Variants in TNIK observed in about 807,000 individuals in gnomAD.
TNIK encodes TRAF2 and NCK interacting kinase, also known as TRAF2 and NCK-interacting protein kinase.
TNIK carries 49 observed loss-of-function variants against 191.3 expected under a neutral mutation model. The ratio of observed to expected loss-of-function variants is 0.26; its 90% CI spans 0.20 to 0.32. The LOEUF (loss-of-function observed/expected upper bound fraction) is 0.32. TNIK is among the 10% of genes least tolerant of loss of function. The probability of loss-of-function intolerance (pLI) is 1.00; values close to 1 mark genes in which losing one functional copy is unlikely to be tolerated. For synonymous variants in TNIK, 594 were observed against 600.9 expected (o/e 0.99, Z 0.17); for missense variants, 1,155 against 1,702.3 (o/e 0.68, Z 5.66).
intron 22 of TNIK, among the ~76,000 whole-genome samples, chr3:171,095,676 A>G (rs1722616126): frequency 6.6e-6 from 1 of 152,224 alleles, no homozygotes; most frequent in South Asian, 2.1e-4. Context: ...AGAGAAAGAC[A>G]TATTTCAAGG....
chr3:171,069,791 T>C (rs1718950593), intron 29 of TNIK, among the ~76,000 whole-genome samples: 1 of 152,222 alleles, frequency 6.6e-6, no homozygotes, highest in South Asian at 2.1e-4. Context: ...TTTGTGAAAC[T>C]ACAATTGCCT....
At chr3:171,221,596 T>G (rs1742351471) in intron 3 of TNIK, among the ~76,000 whole-genome samples, 1 of 152,174 alleles carries the variant, frequency 6.6e-6, no homozygotes, top group Admixed American at 6.6e-5. Context: ...TTCCAGAAGA[T>G]AGTGCCCATG....
At chr3:171,429,096 A>T (rs1725014803) in intron 1 of TNIK, among the ~76,000 whole-genome samples, 1 of 152,038 alleles carries the variant, frequency 6.6e-6, no homozygotes, top group Non-Finnish European at 1.5e-5. Context: ...ATCCACAACC[A>T]CGAGCTACAC....
chr3:171,282,515 T>G (rs1457178620), intron 2 of TNIK, among the ~76,000 whole-genome samples: 1 of 152,012 alleles, frequency 6.6e-6, no homozygotes, highest in African/African-American at 2.4e-5. Flanking sequence ...CTAATTTTTT[T>G]GTATTTTTAG....
At chr3:171,415,527 A>G (rs1016636109) in intron 1 of TNIK, among the ~76,000 whole-genome samples, 1 of 152,196 alleles carries the variant, frequency 6.6e-6, no homozygotes, top group Non-Finnish European at 1.5e-5. Flanking sequence ...TGAAGCCAAA[A>G]GAACAAAAAC....
intron 26 of TNIK, among the ~76,000 whole-genome samples, chr3:171,083,600 C>A (rs1720954998): frequency 6.6e-6 from 1 of 152,156 alleles, no homozygotes; most frequent in Non-Finnish European, 1.5e-5. Flanking sequence ...ATGTTTTAAA[C>A]TAAAAGGGAA....
chr3:171,335,027 C>CAAAAAAAA, intron 2 of TNIK, among the ~76,000 whole-genome samples: 1 of 114,620 alleles, frequency 8.7e-6, no homozygotes, highest in East Asian at 2.6e-4. Flanking sequence ...CCCCAACTGC[C>CAAAAAAAA]AAAAAAAAAA....
intron 12 of TNIK, 103 bp downstream of exon 12, chr3:171,157,355 TAA>T: frequency 7.2e-7 from 1 of 1,397,270 alleles, no homozygotes; most frequent in Non-Finnish European, 9.7e-7. Flanking sequence ...TTTGTGCCTC[TAA>T]GCTCTGTGTG....
At chr3:171,229,677 C>T (rs1241476544) in intron 2 of TNIK, among the ~76,000 whole-genome samples, 2 of 152,138 alleles carry the variant, frequency 1.3e-5, no homozygotes, top group African/African-American at 4.8e-5. Context: ...TCTGCCTGTC[C>T]TCTTTCTTCT....
At chr3:171,442,804 T>C (rs770672045) in intron 1 of TNIK, among the ~76,000 whole-genome samples, 2 of 152,194 alleles carry the variant, frequency 1.3e-5, no homozygotes, top group East Asian at 1.9e-4. Flanking sequence ...TGGTTTACCA[T>C]GATTTTAAAG....
At chr3:171,254,489 A>G (rs1385587173) in intron 2 of TNIK, among the ~76,000 whole-genome samples, 1 of 152,218 alleles carries the variant, frequency 6.6e-6, no homozygotes, top group Non-Finnish European at 1.5e-5. Context: ...CCTGCCTGCA[A>G]CTGTAAATTC....
chr3:171,094,887 T>C (rs1231330902), intron 22 of TNIK, among the ~76,000 whole-genome samples: 6 of 152,182 alleles, frequency 3.9e-5, no homozygotes, highest in African/African-American at 1.4e-4. Flanking sequence ...TTGCTTGTGA[T>C]GGCAGAGTCC....
chr3:171,259,243 G>C (rs1747287703), intron 2 of TNIK, among the ~76,000 whole-genome samples: 2 of 152,134 alleles, frequency 1.3e-5, no homozygotes. Flanking sequence ...AAAGTTGGAA[G>C]GACAGACCTA....
At chr3:171,285,089 A>G (rs1750869887) in intron 2 of TNIK, among the ~76,000 whole-genome samples, 1 of 152,234 alleles carries the variant, frequency 6.6e-6, no homozygotes, top group African/African-American at 2.4e-5. Context: ...TGCAAGACAT[A>G]GGTGGACCCA....
chr3:171,093,457 A>G (rs1481675594), intron 23 of TNIK, among the ~76,000 whole-genome samples: 3 of 152,244 alleles, frequency 2.0e-5, no homozygotes, highest in Non-Finnish European at 1.5e-5. Context: ...AAATCCACTA[A>G]GATAAAACCA....
chr3:171,112,880 A>G (rs1035680229), intron 18 of TNIK, among the ~76,000 whole-genome samples: 14 of 152,228 alleles, frequency 9.2e-5, no homozygotes, highest in African/African-American at 2.7e-4. Flanking sequence ...GCTGTGACAC[A>G]TAACAGTGAA....
At chr3:171,390,968 C>T (rs77501772) in intron 1 of TNIK, among the ~76,000 whole-genome samples, 1,945 of 152,274 alleles carry the variant, frequency 0.013, 48 homozygotes, top group African/African-American at 0.044. Flanking sequence ...GACCTTTCAA[C>T]GGTCCTTCAA....
chr3:171,064,826 CT>C (rs1354864457), intron 32 of TNIK, among the ~76,000 whole-genome samples: 5 of 152,208 alleles, frequency 3.3e-5, no homozygotes, highest in African/African-American at 1.2e-4. Context: ...AGTCTAAAGT[CT>C]CTGCTACTTC....
chr3:171,394,420 A>G (rs1012358293), intron 1 of TNIK, among the ~76,000 whole-genome samples: 2 of 152,222 alleles, frequency 1.3e-5, no homozygotes, highest in African/African-American at 2.4e-5. Context: ...TTGAGGTCCC[A>G]CAGCCTCCTA....
Sources: gnomAD v4.1 joint callset for allele counts (sites outside exome capture counted in the v4.1 genomes callset) on GRCh38, gnomAD v4.1.1 for gene constraint, MANE v1.5 for transcripts, NCBI Gene and HGNC (gene_info 2026-07-23, HGNC 2026-07-21) for gene names.